The following SLC5A10 variants were observed in gnomAD, a reference collection of about 807,000 sequenced individuals.
The protein encoded by SLC5A10 is sodium/mannose cotransporter SLC5A10.
Under a neutral mutation model 68.9 loss-of-function variants are expected in SLC5A10, and 55 were observed. The ratio of observed to expected loss-of-function variants is 0.80; its 90% CI spans 0.64 to 1.00. The LOEUF (loss-of-function observed/expected upper bound fraction) is 1.00, where lower values mean the gene tolerates loss of function less well. Ranked by LOEUF, SLC5A10 falls within the 50% of genes least tolerant of loss-of-function variation. SLC5A10 has a pLI of 0.00. For synonymous variants in SLC5A10, 344 were observed against 344.8 expected, an observed-to-expected ratio of 1.00 and a Z score of 0.02; for missense variants, 732 against 819.3, an observed-to-expected ratio of 0.89 and a Z score of 1.30.
chr17:19,014,149 T>C (rs560830655), intron 10 of SLC5A10, among the ~76,000 whole-genome samples: 1 of 152,278 alleles, frequency 6.6e-6, no homozygotes, highest in Admixed American at 6.5e-5. Flanking sequence ...ATGTCAGGCT[T>C]ATCCTAGGAC....
intron 9 of SLC5A10, chr17:18,978,898 T>C: frequency 6.3e-7 from 1 of 1,594,112 alleles, no homozygotes; most frequent in African/African-American, 1.3e-5. Flanking sequence ...CCCTGCTTCC[T>C]CCGCCCAGCC....
At position 18,977,864 on chromosome 17, in the gene SLC5A10, C is replaced by T. The variant is rs1377376384; in HGVS notation, c.982+875C>T. ...GGGCCGTCGGGGGCCAGGGCCACGGCCGGAGCTGCCTGAGTGGCTGTCCTG... is the reference window on the plus strand; with the variant it reads ...GGGCCGTCGGGGGCCAGGGCCACGGTCGGAGCTGCCTGAGTGGCTGTCCTG... On this transcript the variant is annotated intron_variant, in intron 9 of 14. Transcript: ENST00000395645. The T allele has an allele frequency of 8.7e-6, 14 of 1,611,028 alleles. No homozygotes were observed. The South Asian group carries it at 9.9e-5, about 11-fold the overall frequency.
intron 9 of SLC5A10, chr17:18,978,499 G>A (rs776255462): frequency 6.8e-6 from 11 of 1,612,824 alleles, no homozygotes; most frequent in South Asian, 5.5e-5. Context: ...GCAGCAGCTC[G>A]GGGAGTTCCC....
chr17:18,953,209 C>T (rs1385749535), intron 1 of SLC5A10, among the ~76,000 whole-genome samples: 1 of 149,852 alleles, frequency 6.7e-6, no homozygotes, highest in African/African-American at 2.5e-5. Flanking sequence ...TATCTCGGCT[C>T]ACTGCAACCT....
At chr17:18,966,173 G>A (rs2042705338) in intron 5 of SLC5A10, among the ~76,000 whole-genome samples, 1 of 152,156 alleles carries the variant, frequency 6.6e-6, no homozygotes, top group Non-Finnish European at 1.5e-5. Context: ...GAGCAGGGTA[G>A]TGGAAAGGAC....
At chr17:18,964,074 T>C (rs560230125) in intron 5 of SLC5A10, among the ~76,000 whole-genome samples, 15 of 152,278 alleles carry the variant, frequency 9.9e-5, no homozygotes, top group African/African-American at 2.9e-4. Context: ...GGCTCCCTCA[T>C]GTCCCTCAAG....
chr17:18,982,927 G>C (rs2043175212), intron 9 of SLC5A10, among the ~76,000 whole-genome samples: 1 of 152,246 alleles, frequency 6.6e-6, no homozygotes. Context: ...TGTGCTGCAA[G>C]GCTGCTGTGA....
At chr17:18,981,566 T>C (rs2043133419) in intron 9 of SLC5A10, among the ~76,000 whole-genome samples, 1 of 152,146 alleles carries the variant, frequency 6.6e-6, no homozygotes. Flanking sequence ...CGCCATGCCA[T>C]CCAGCCTCCT....
rs1331307968 is a variant in SLC5A10 at position 18,971,793 on chromosome 17, A to G, written c.846+575A>G. On this transcript the variant is annotated intron_variant, in intron 8 of 14. Coordinates refer to ENST00000395645, the MANE Select transcript of SLC5A10 (RefSeq NM_001042450.4). The surrounding 1 kb of genome is among the most constrained non-coding windows in gnomAD (Gnocchi z 5.5). ...GAGTGAGGCTGAGCAAGAAGGGCCA[A>G]CCCCGCCCCAGCACAGGACCCTGCT... 6.6e-7 allele frequency: 1 copy of G among 1,519,398 alleles called. No individual in the cohort carries two copies. The highest frequency in any genetic ancestry group is 2.1e-5 in the Admixed American group (1 of 46,664). 94.1% of individuals were successfully genotyped at this position (1,519,398 alleles called of 1,614,324 possible). A position where few individuals can be genotyped will look rare whatever the true frequency, so the allele number is the denominator to read the frequency against.
intron 9 of SLC5A10, among the ~76,000 whole-genome samples, chr17:18,984,250 GAT>G (rs2043209688): frequency 6.8e-6 from 1 of 147,692 alleles, no homozygotes; most frequent in African/African-American, 2.6e-5. Flanking sequence ...GCTGAAGCAG[GAT>G]AATGGCACGA....
chr17:18,966,766 A>C (rs2042717808), intron 5 of SLC5A10, among the ~76,000 whole-genome samples: 1 of 151,000 alleles, frequency 6.6e-6, no homozygotes, highest in South Asian at 2.1e-4. Context: ...AAAAAAAAAA[A>C]CAACACTCTG....
upstream of SLC5A10, chr17:18,952,060 G>A: frequency 7.4e-7 from 1 of 1,344,186 alleles, no homozygotes; most frequent in African/African-American, 1.5e-5. Flanking sequence ...TGAGGCAGCT[G>A]CCCTGCATGC....
chr17:18,969,525 G>A (rs2042786495), intron 7 of SLC5A10, 103 bp downstream of exon 7: 3 of 1,127,692 alleles, frequency 2.7e-6, no homozygotes, highest in African/African-American at 1.5e-5. Flanking sequence ...TTGGGGTTCT[G>A]GGTAGCATCG....
chr17:18,992,504 A>C (rs1048409591), intron 9 of SLC5A10, among the ~76,000 whole-genome samples: 2 of 152,224 alleles, frequency 1.3e-5, no homozygotes, highest in Non-Finnish European at 2.9e-5. Flanking sequence ...GAAGCCACGT[A>C]ACACTGGCTG....
At chr17:19,008,865 TGCAATG>T (rs2043957138) in intron 9 of SLC5A10, among the ~76,000 whole-genome samples, 1 of 149,910 alleles carries the variant, frequency 6.7e-6, no homozygotes. Context: ...CAGGCTGGAG[TGCAATG>T]GCCTGATCTC....
At chr17:18,970,374 G>A (rs572835495) in intron 7 of SLC5A10, 2 of 155,404 alleles carry the variant, frequency 1.3e-5, no homozygotes, top group Non-Finnish European at 1.4e-5. Context: ...GATGGGCCAG[G>A]GCTTGGCCAT....
At chr17:18,988,777 T>C (rs1453635201) in intron 9 of SLC5A10, among the ~76,000 whole-genome samples, 1 of 152,220 alleles carries the variant, frequency 6.6e-6, no homozygotes, top group Non-Finnish European at 1.5e-5. Flanking sequence ...ATCCCCTACA[T>C]TCCTGGGCTG....
intron 13 of SLC5A10, 69 bp from the exon 14 acceptor site, chr17:19,020,086 G>T: frequency 6.7e-7 from 1 of 1,500,406 alleles, no homozygotes; most frequent in Non-Finnish European, 9.1e-7. Flanking sequence ...CCCAACCTTT[G>T]ATCCTGTCTG....
At chr17:18,984,883 G>A (rs1326999404) in intron 9 of SLC5A10, among the ~76,000 whole-genome samples, 5 of 152,258 alleles carry the variant, frequency 3.3e-5, no homozygotes, top group Non-Finnish European at 4.4e-5. Context: ...CACATGGAGG[G>A]CCACTGGGGC....
Sources: allele counts gnomAD v4.1 joint callset (sites outside exome capture counted in the v4.1 genomes callset), GRCh38; gene constraint gnomAD v4.1.1; non-coding constraint Gnocchi (gnomAD v3.1); transcripts MANE v1.5; gene names NCBI Gene and HGNC (gene_info 2026-07-23, HGNC 2026-07-21).